The following SDK2 variants were observed in gnomAD, a reference collection of about 807,000 sequenced individuals.
SDK2 encodes the protein sidekick cell adhesion molecule 2.
Under a neutral mutation model 253.9 loss-of-function variants are expected in SDK2, and 105 were observed. That is an observed-to-expected ratio of 0.41 (90% confidence interval 0.35 to 0.49). The LOEUF (loss-of-function observed/expected upper bound fraction) is 0.49. Ranked by LOEUF, SDK2 falls within the 20% of genes least tolerant of loss-of-function variation. The probability of loss-of-function intolerance (pLI) is 0.06; values close to 1 mark genes in which losing one functional copy is unlikely to be tolerated. For synonymous variants in SDK2, 1,249 were observed against 1,234.9 expected (o/e 1.01, Z -0.24); for missense variants, 2,608 against 3,003.0 (o/e 0.87, Z 3.07).
rs1324980181 is a variant in SDK2 at position 73,534,828 on chromosome 17, G to T, written c.65-27231C>A. ...TTCTTCTCAGTAGGCTGGGGGCAGC[G>T]GGCCGGGCTCCCTGGACTCCTTTGC... is the stretch of plus-strand genomic sequence containing the variant. On this transcript the variant is annotated intron_variant, in intron 1 of 44. Coordinates refer to ENST00000392650, the MANE Select transcript of SDK2 (RefSeq NM_001144952.2). This position sits in a 1 kb window ranked among gnomAD's most constrained non-coding sequence, Gnocchi z 4.9. 6.6e-6 allele frequency among the ~76,000 whole-genome samples: 1 copy of T among 152,132 alleles called. No homozygotes were observed. The highest frequency in any genetic ancestry group is 2.4e-5 in the African/African-American group (1 of 41,430).
At chr17:73,475,693 G>A (rs1043523028) in intron 2 of SDK2, among the ~76,000 whole-genome samples, 5 of 152,232 alleles carry the variant, frequency 3.3e-5, no homozygotes, top group Non-Finnish European at 7.3e-5. Flanking sequence ...AGCTGGGGAG[G>A]AGGGGAAGGT....
At chr17:73,355,172 A>ATTTTTTTTTTTT (rs1450719562) in intron 40 of SDK2, among the ~76,000 whole-genome samples, 5 of 23,320 alleles carry the variant, frequency 2.1e-4, no homozygotes, top group Non-Finnish European at 2.8e-4. Flanking sequence ...ATATATATAT[A>ATTTTTTTTTTTT]TATTTTTTTT....
At chr17:73,521,034 T>G (rs2064074236) in intron 1 of SDK2, 1 of 104,826 alleles carries the variant, frequency 9.5e-6, no homozygotes, top group Non-Finnish European at 1.8e-5. Context: ...CACTTGAAAA[T>G]GATTTTTTTT....
At position 73,395,369 on chromosome 17, in the gene SDK2, A is replaced by G. The variant is rs1599521152; in HGVS notation, c.3378T>C (p.Asn1126=). ...RWMPLPEMEY[N]GNPESVGYKI... is the part of the protein sequence containing the mutation. ...TATAGCCCACGGACTCAGGGTTCCC[A>G]TTGTATTCCATCTCCGGGAGAGGCT... Residue 1126 remains asparagine, a synonymous_variant, in exon 25 of 45, where the codon AAT becomes AAC. Transcript: ENST00000392650. The surrounding 1 kb of genome is among the most constrained non-coding windows in gnomAD (Gnocchi z 4.3). 3.7e-6 allele frequency: 6 copies of G among 1,613,836 alleles called. No homozygotes were observed. The highest frequency in any genetic ancestry group is 4.2e-6 in the Non-Finnish European group (5 of 1,179,884).
chr17:73,600,752 T>C (rs1002135363), intron 1 of SDK2, among the ~76,000 whole-genome samples: 1 of 152,022 alleles, frequency 6.6e-6, no homozygotes, highest in Non-Finnish European at 1.5e-5. Context: ...AAACAAACAG[T>C]CCCCTCCCCA....
In SDK2 at chr17:73,483,699, ATATATATAT is replaced by A. The variant is rs1360373933; in HGVS notation, c.225-11490_225-11482del. 3.3e-3 allele frequency among the ~76,000 whole-genome samples: 209 copies of A among 63,844 alleles called. 3 individuals are homozygous for A. The highest frequency in any genetic ancestry group is 6.4e-3 in the Middle Eastern group (1 of 156). The allele number at this position is 63,844 out of a possible 152,430, so 41.9% of individuals were successfully genotyped here. A position where few individuals can be genotyped will look rare whatever the true frequency, so the allele number is the denominator to read the frequency against. ...TATATATATTTATATATATATATAT[ATATATATAT>A]TTTTTTTTTTTTTTAGTAGAGTTGG... On this transcript the variant is annotated intron_variant, in intron 2 of 44. Transcript: ENST00000392650.
intron 3 of SDK2, among the ~76,000 whole-genome samples, chr17:73,466,044 C>T (rs1176308231): frequency 2.0e-5 from 3 of 152,128 alleles, no homozygotes; most frequent in East Asian, 3.9e-4. Flanking sequence ...GACTGAAGTG[C>T]TGAGGGTGAA....
At chr17:73,432,813 CAT>C (rs1395844858) in intron 10 of SDK2, among the ~76,000 whole-genome samples, 5 of 149,434 alleles carry the variant, frequency 3.3e-5, no homozygotes, top group Non-Finnish European at 7.5e-5. Flanking sequence ...TATGTGTGCA[CAT>C]GTGTATGTAC....
At chr17:73,577,954 A>G (rs1312468560) in intron 1 of SDK2, among the ~76,000 whole-genome samples, 1 of 152,194 alleles carries the variant, frequency 6.6e-6, no homozygotes, top group East Asian at 1.9e-4. Flanking sequence ...GGACGGCAGA[A>G]GGGGAGTGAG....
chr17:73,487,505 A>G (rs1435221037), intron 2 of SDK2, among the ~76,000 whole-genome samples: 2 of 152,248 alleles, frequency 1.3e-5, no homozygotes, highest in African/African-American at 2.4e-5. Flanking sequence ...GGCCAGGGTA[A>G]GAGGTGGAAG....
At chr17:73,469,694 A>G (rs2063630309) in intron 3 of SDK2, among the ~76,000 whole-genome samples, 1 of 152,110 alleles carries the variant, frequency 6.6e-6, no homozygotes. Context: ...GTTTGTGTGT[A>G]TGTGGGAAGG....
rs751417057 is a variant in SDK2, at chr17:73,426,208, CTT to C, written c.1584-2118_1584-2117del. The stretch of plus-strand genomic sequence containing the variant: ...TACAGGCCTGCACCACCATGCTGGG[CTT>C]TTTTTTTTTTTTTTTTTTTTTTTTT... On this transcript the variant is annotated intron_variant, in intron 12 of 44. Transcript: ENST00000392650. Among the ~76,000 whole-genome samples the C allele has an allele frequency of 8.9e-4, 26 of 29,156 alleles. No individual in the cohort carries two copies. In the South Asian group the frequency reaches 9.1e-3, roughly 10 times the overall value. The allele number at this position is 29,156 out of a possible 152,430, so 19.1% of individuals were successfully genotyped here.
intron 13 of SDK2, 115 bp downstream of exon 13, chr17:73,423,801 C>T: frequency 2.2e-6 from 2 of 905,716 alleles, no homozygotes; most frequent in Non-Finnish European, 3.3e-6. Context: ...CAAAGCTGAA[C>T]AGTTCAGGTC....
chr17:73,630,866 C>A, intron 1 of SDK2, among the ~76,000 whole-genome samples: 1 of 152,088 alleles, frequency 6.6e-6, no homozygotes, highest in East Asian at 1.9e-4. Context: ...GCTGGCAACC[C>A]CTCAGCACAC....
chr17:73,493,899 C>G (rs1228397415), intron 2 of SDK2, among the ~76,000 whole-genome samples: 1 of 152,172 alleles, frequency 6.6e-6, no homozygotes. Flanking sequence ...ATGTCCTCCC[C>G]GTCCCACCTA....
intron 30 of SDK2, among the ~76,000 whole-genome samples, chr17:73,387,042 C>T (rs1422307005): frequency 6.6e-6 from 1 of 152,206 alleles, no homozygotes; most frequent in Non-Finnish European, 1.5e-5. Flanking sequence ...CTCACTGCAA[C>T]CTCCGCCTCC....
At position 73,609,455 on chromosome 17, in the gene SDK2, C is replaced by A. The variant is rs948229306; in HGVS notation, c.64+34570G>T. ...GGGCTGAGAACCAGCCCCAGCAGAG[C>A]AGCTTCAGTGGAAGCCCGACTGGGT... On this transcript the variant is annotated intron_variant, in intron 1 of 44. Coordinates refer to ENST00000392650, the MANE Select transcript of SDK2 (RefSeq NM_001144952.2). The surrounding 1 kb of genome is among the most constrained non-coding windows in gnomAD (Gnocchi z 4.4). Among the ~76,000 whole-genome samples, 5 of 152,154 alleles carry A rather than the reference C, an allele frequency of 3.3e-5. No individual in the cohort carries two copies. The highest frequency in any genetic ancestry group is 7.3e-5 in the Non-Finnish European group (5 of 68,030).
chr17:73,625,219 G>A (rs1382170852), intron 1 of SDK2, among the ~76,000 whole-genome samples: 2 of 152,154 alleles, frequency 1.3e-5, no homozygotes, highest in Non-Finnish European at 2.9e-5. Flanking sequence ...CAGGCACCAG[G>A]GCGCGAGGCG....
intron 1 of SDK2, chr17:73,519,669 C>T (rs1299357948): frequency 6.6e-6 from 1 of 152,208 alleles, no homozygotes; most frequent in African/African-American, 2.4e-5. Context: ...TACCCAGTCA[C>T]ATGTGTGTCA....
Sources: allele counts gnomAD v4.1 joint callset (sites outside exome capture counted in the v4.1 genomes callset), GRCh38; gene constraint gnomAD v4.1.1; non-coding constraint Gnocchi (gnomAD v3.1); transcripts MANE v1.5; gene names NCBI Gene and HGNC (gene_info 2026-07-23, HGNC 2026-07-21).